The following AOAH variants were observed in gnomAD, a reference collection of about 807,000 sequenced individuals.
The protein encoded by AOAH is acyloxyacyl hydrolase.
In AOAH, 64 loss-of-function variants were observed where a neutral mutation model predicts 92.2. The observed-to-expected ratio is 0.69, with a 90% CI of 0.57 to 0.86. AOAH has a LOEUF of 0.86. Ranked by LOEUF, AOAH falls within the 40% of genes least tolerant of loss-of-function variation. AOAH has a pLI of 0.00. For missense variants in AOAH, 656 were observed against 694.6 expected (o/e 0.94, Z 0.62); for synonymous variants, 263 against 254.5 (o/e 1.03, Z -0.32).
chr7:36,638,315 A>T (rs1466863152), intron 4 of AOAH, among the ~76,000 whole-genome samples: 3 of 152,204 alleles, frequency 2.0e-5, no homozygotes, highest in Admixed American at 6.5e-5. Context: ...AAAACCCCCC[A>T]GCAGGAGGCT....
chr7:36,647,837 C>CTTTTTTTTTT (rs200177551), intron 4 of AOAH, among the ~76,000 whole-genome samples: 1 of 145,308 alleles, frequency 6.9e-6, no homozygotes. Context: ...CCTTAGAGTT[C>CTTTTTTTTTT]TTTTTTTTTT....
intron 3 of AOAH, among the ~76,000 whole-genome samples, chr7:36,667,444 T>C (rs1795613472): frequency 6.6e-6 from 1 of 152,192 alleles, no homozygotes; most frequent in Admixed American, 6.5e-5. Flanking sequence ...GGCACAAGGG[T>C]ACTGTGCCTA....
intron 13 of AOAH, among the ~76,000 whole-genome samples, chr7:36,558,389 G>C (rs995210342): frequency 3.3e-5 from 5 of 152,196 alleles, no homozygotes; most frequent in African/African-American, 1.2e-4. Flanking sequence ...GTGTCAGTTT[G>C]CCCCTACTGG....
At chr7:36,689,485 T>G (rs941715480) in intron 1 of AOAH, among the ~76,000 whole-genome samples, 1 of 152,180 alleles carries the variant, frequency 6.6e-6, no homozygotes, top group Non-Finnish European at 1.5e-5. Context: ...CATCCTCAAG[T>G]GGCTGAAGGG....
intron 12 of AOAH, among the ~76,000 whole-genome samples, chr7:36,592,202 G>C (rs1317137408): frequency 6.6e-6 from 1 of 152,122 alleles, no homozygotes; most frequent in East Asian, 1.9e-4. Flanking sequence ...TGGGTGGAGG[G>C]CATTTAAACA....
intron 4 of AOAH, 40 bp downstream of exon 4, chr7:36,659,126 T>A (rs1195227634): frequency 6.6e-7 from 1 of 1,522,900 alleles, no homozygotes; most frequent in South Asian, 1.1e-5. Flanking sequence ...AAGCCTTGCA[T>A]GTCCCTGGAA....
intron 4 of AOAH, among the ~76,000 whole-genome samples, chr7:36,658,054 T>G (rs1038785039): frequency 4.0e-5 from 6 of 151,120 alleles, no homozygotes; most frequent in African/African-American, 1.5e-4. Flanking sequence ...CATGAAAAGT[T>G]TTTTTTTTAA....
intron 12 of AOAH, among the ~76,000 whole-genome samples, chr7:36,591,678 G>A (rs1789754064): frequency 6.6e-6 from 1 of 152,188 alleles, no homozygotes; most frequent in African/African-American, 2.4e-5. Context: ...CATTGATAAG[G>A]GAGTAAACCC....
intron 4 of AOAH, among the ~76,000 whole-genome samples, chr7:36,651,707 G>GGTCTAA (rs1210206294): frequency 2.6e-5 from 4 of 152,172 alleles, no homozygotes; most frequent in Non-Finnish European, 5.9e-5. Context: ...AAGAGCTGGA[G>GGTCTAA]GTCTAAAGTC....
At chr7:36,573,622 G>A (rs1788287989) in intron 13 of AOAH, among the ~76,000 whole-genome samples, 1 of 152,170 alleles carries the variant, frequency 6.6e-6, no homozygotes, top group Non-Finnish European at 1.5e-5. Context: ...GGAGGCTGAG[G>A]TAGGGGGATT....
At chr7:36,537,043 C>T (rs183068341) in intron 16 of AOAH, among the ~76,000 whole-genome samples, 1 of 148,988 alleles carries the variant, frequency 6.7e-6, no homozygotes, top group South Asian at 2.1e-4. Context: ...TGAGTCCTGT[C>T]AAAGGAGGCC....
intron 13 of AOAH, among the ~76,000 whole-genome samples, chr7:36,566,070 C>T (rs988629359): frequency 6.8e-6 from 1 of 147,574 alleles, no homozygotes; most frequent in Non-Finnish European, 1.5e-5. Context: ...CTTTCATGAC[C>T]TTGACGCTTT....
In AOAH at chr7:36,576,642, G is replaced by T. The variant is rs773369283; in HGVS notation, c.953C>A (p.Ser318Tyr). 2.6e-6 allele frequency: 4 copies of T among 1,556,644 alleles called. No homozygotes were observed. The highest frequency in any genetic ancestry group is 3.5e-6 in the Non-Finnish European group (4 of 1,139,174). Reference sequence around the variant, plus strand: ...TCTTTTCCATAAGCGAAGGTAAATAGATTTTTCTTTAATTCTGAAACAAAT... The same window carrying T: ...TCTTTTCCATAAGCGAAGGTAAATATATTTTTCTTTAATTCTGAAACAAAT... ...LDSTVGIKEK[S>Y]IYLRLWKRNH... is the part of the protein sequence containing the mutation. The change falls in exon 13 of 21, where the codon TCT becomes TAT. Residue 318 changes from serine (S) to tyrosine (Y), a missense_variant. Transcript: ENST00000617537.
chr7:36,580,866 C>T lies in AOAH; in HGVS notation c.939-4210G>A, dbSNP rs556411459. ...CAGGGAAGGATCTTCTAGTCTGCAGCCAGGAGAGTACAGGCTGGGTTGGCA... is the reference window on the plus strand; with the variant it reads ...CAGGGAAGGATCTTCTAGTCTGCAGTCAGGAGAGTACAGGCTGGGTTGGCA... On this transcript the variant is annotated intron_variant, in intron 12 of 20. Transcript: ENST00000617537. Among the ~76,000 whole-genome samples the T allele has an allele frequency of 1.6e-4, 24 of 152,240 alleles. 1 individual carries two copies. In the South Asian group the frequency reaches 5.0e-3, roughly 32 times the overall value.
intron 1 of AOAH, among the ~76,000 whole-genome samples, chr7:36,714,211 A>G (rs1798971504): frequency 6.6e-6 from 1 of 152,250 alleles, no homozygotes; most frequent in Non-Finnish European, 1.5e-5. Context: ...CTACGCAAAT[A>G]AACTAGAAAA....
intron 1 of AOAH, among the ~76,000 whole-genome samples, chr7:36,705,874 T>A (rs1339876612): frequency 6.6e-6 from 1 of 152,150 alleles, no homozygotes; most frequent in Non-Finnish European, 1.5e-5. Context: ...AACCATCTGA[T>A]CTTCAACAAG....
At chr7:36,582,939 G>C (rs1422466750) in intron 12 of AOAH, among the ~76,000 whole-genome samples, 2 of 152,024 alleles carry the variant, frequency 1.3e-5, no homozygotes, top group African/African-American at 4.8e-5. Flanking sequence ...CCACCTCCTG[G>C]GTTCAAGCAA....
chr7:36,644,513 C>A (rs1240886364), intron 4 of AOAH, among the ~76,000 whole-genome samples: 1 of 152,152 alleles, frequency 6.6e-6, no homozygotes, highest in Non-Finnish European at 1.5e-5. Context: ...GCTATATTGA[C>A]TACAGTGGTA....
intron 11 of AOAH, among the ~76,000 whole-genome samples, chr7:36,610,445 TGGTGG>T (rs1179480257): frequency 6.6e-6 from 1 of 151,092 alleles, no homozygotes; most frequent in African/African-American, 2.4e-5. Context: ...AAATTTAAGA[TGGTGG>T]GGTTATTTTT....
Sources: allele counts gnomAD v4.1 joint callset (sites outside exome capture counted in the v4.1 genomes callset), GRCh38; gene constraint gnomAD v4.1.1; transcripts MANE v1.5; gene names NCBI Gene and HGNC (gene_info 2026-07-23, HGNC 2026-07-21).